STK3: variants seen among roughly 807,000 people sequenced by gnomAD.
STK3 encodes serine/threonine-protein kinase 3.
A neutral mutation model predicts 58.0 loss-of-function variants in STK3; 41 were observed. The observed-to-expected ratio is 0.71, with a 90% CI of 0.55 to 0.92. The LOEUF is 0.92. Among genes scored for constraint, STK3 ranks in the 40% least tolerant of loss-of-function variants. STK3 has a pLI of 0.00. For synonymous variants in STK3, 170 were observed against 191.0 expected, an observed-to-expected ratio of 0.89 and a Z score of 0.91; for missense variants, 479 against 602.7, an observed-to-expected ratio of 0.79 and a Z score of 2.15.
chr8:98,846,889 T>G (rs1206631594), intron 3 of STK3, among the ~76,000 whole-genome samples: 1 of 145,778 alleles, frequency 6.9e-6, no homozygotes, highest in African/African-American at 2.6e-5. Flanking sequence ...ACACACACAT[T>G]TTCATATACT....
At chr8:98,790,775 G>A (rs1455101677) in intron 1 of STK3, among the ~76,000 whole-genome samples, 3 of 152,028 alleles carry the variant, frequency 2.0e-5, no homozygotes, top group Non-Finnish European at 4.4e-5. Context: ...ACGAGGTCAG[G>A]AGTTCGAGAT....
intron 6 of STK3, among the ~76,000 whole-genome samples, chr8:98,695,571 C>A (rs1400457215): frequency 6.6e-6 from 1 of 152,176 alleles, no homozygotes; most frequent in Admixed American, 6.5e-5. Context: ...ATATGGCTAG[C>A]CAGTTTTCCC....
At chr8:98,365,275 C>T in the STK3 span, among the ~76,000 whole-genome samples, 4 of 152,116 alleles carry the variant, frequency 2.6e-5, no homozygotes, top group Non-Finnish European at 4.4e-5. Context: ...AAGTTCTAGA[C>T]GAATGCTAGA....
At chr8:98,682,003 G>C (rs978324254) in intron 6 of STK3, among the ~76,000 whole-genome samples, 2 of 152,204 alleles carry the variant, frequency 1.3e-5, no homozygotes, top group Admixed American at 1.3e-4. Context: ...GCATTCCCAA[G>C]TAACAAAATT....
chr8:98,930,222 G>A (rs1026606519), intron 1 of STK3, among the ~76,000 whole-genome samples: 1 of 152,110 alleles, frequency 6.6e-6, no homozygotes, highest in Non-Finnish European at 1.5e-5. Flanking sequence ...AGGCGGTTGT[G>A]GGGGGAATGG....
intron 4 of STK3, among the ~76,000 whole-genome samples, chr8:98,734,877 CT>C (rs747617360): frequency 2.6e-4 from 40 of 151,126 alleles, no homozygotes; most frequent in Non-Finnish European, 5.6e-4. Context: ...CAACAAAAAG[CT>C]TTTTCATGAG....
intron 7 of STK3, among the ~76,000 whole-genome samples, chr8:98,583,194 A>G (rs541711206): frequency 6.6e-6 from 1 of 152,296 alleles, no homozygotes; most frequent in East Asian, 1.9e-4. Context: ...CTACAACAAT[A>G]ACAAAAATAC....
At chr8:98,658,886 A>G (rs1821749800) in intron 6 of STK3, among the ~76,000 whole-genome samples, 1 of 152,116 alleles carries the variant, frequency 6.6e-6, no homozygotes, top group South Asian at 2.1e-4. Context: ...TTAAAATATT[A>G]TATGGCTTTA....
At chr8:98,818,806 A>G (rs931643033) in intron 1 of STK3, among the ~76,000 whole-genome samples, 3 of 152,004 alleles carry the variant, frequency 2.0e-5, no homozygotes, top group African/African-American at 4.8e-5. Context: ...TATTCACGGT[A>G]TGTATGCAAA....
At chr8:98,872,054 G>T (rs560873214) in intron 3 of STK3, among the ~76,000 whole-genome samples, 2 of 152,074 alleles carry the variant, frequency 1.3e-5, no homozygotes, top group Non-Finnish European at 2.9e-5. Context: ...TAGCATGAAG[G>T]GCTGTTGAAT....
chr8:98,894,035 G>T (rs1480112606), intron 1 of STK3, among the ~76,000 whole-genome samples: 3 of 152,174 alleles, frequency 2.0e-5, no homozygotes, highest in African/African-American at 7.2e-5. Flanking sequence ...TTATTAGTTT[G>T]TTATACTACT....
rs185796341 is a variant in STK3, at chr8:98,698,051, A to G, written c.684+8416T>C. ...GCTTTATGAATCTGGGTGCTCCTGT[A>G]TTGGGTGCATATATATTTAAGACAG... On this transcript the variant is annotated intron_variant, in intron 6 of 10. Coordinates refer to ENST00000419617, the MANE Select transcript of STK3 (RefSeq NM_006281.4). 4.2e-3 allele frequency among the ~76,000 whole-genome samples: 647 copies of G among 152,264 alleles called. 7 individuals are homozygous for G. The highest frequency in any genetic ancestry group is 0.015 in the African/African-American group (603 of 41,522).
chr8:98,555,361 T>C (rs1050934473), intron 8 of STK3, among the ~76,000 whole-genome samples: 2 of 152,150 alleles, frequency 1.3e-5, no homozygotes, highest in South Asian at 2.1e-4. Flanking sequence ...ACAAATACTT[T>C]AGAATATAAA....
chr8:98,481,329 G>GCTC (rs1398822348), intron 10 of STK3, among the ~76,000 whole-genome samples: 1 of 151,982 alleles, frequency 6.6e-6, no homozygotes, highest in Non-Finnish European at 1.5e-5. Context: ...ATTCACAGTC[G>GCTC]CAAAGATATG....
chr8:98,696,101 C>G (rs1011772327), intron 6 of STK3, among the ~76,000 whole-genome samples: 1 of 152,120 alleles, frequency 6.6e-6, no homozygotes, highest in Admixed American at 6.5e-5. Context: ...GTTGGATTCC[C>G]AGGTATTTTA....
At chr8:98,402,720 T>A (rs768842065) in intron 3 of STK3, among the ~76,000 whole-genome samples, 1 of 152,192 alleles carries the variant, frequency 6.6e-6, no homozygotes, top group South Asian at 2.1e-4. Context: ...AGGACATGCC[T>A]TGGGAACAGT....
intron 2 of STK3, among the ~76,000 whole-genome samples, chr8:98,770,824 T>C (rs1288726013): frequency 1.3e-5 from 2 of 152,152 alleles, no homozygotes; most frequent in African/African-American, 4.8e-5. Context: ...GCTATTCACC[T>C]GAGACAAAGT....
chr8:98,742,263 G>A (rs992458324), intron 4 of STK3, among the ~76,000 whole-genome samples: 80 of 151,736 alleles, frequency 5.3e-4, no homozygotes, highest in Admixed American at 2.1e-3. Flanking sequence ...CCAAAGCCGG[G>A]CAGAAACACA....
intron 3 of STK3, among the ~76,000 whole-genome samples, chr8:98,757,833 T>C (rs992861664): frequency 3.9e-5 from 6 of 152,124 alleles, no homozygotes; most frequent in South Asian, 2.1e-4. Context: ...GTCCAGGCAA[T>C]GGGGAACCCC....
Sources: allele counts gnomAD v4.1 joint callset (sites outside exome capture counted in the v4.1 genomes callset), GRCh38; gene constraint gnomAD v4.1.1; transcripts MANE v1.5; gene names NCBI Gene and HGNC (gene_info 2026-07-23, HGNC 2026-07-21).